The following NAV2 variants were observed in gnomAD, a reference collection of about 807,000 sequenced individuals.
The protein encoded by NAV2 is helicase, APC down-regulated 1.
In NAV2, 54 loss-of-function variants were observed where a neutral mutation model predicts 223.2. That is an observed-to-expected ratio of 0.24 (90% CI 0.19 to 0.30). The LOEUF (loss-of-function observed/expected upper bound fraction) is 0.30, where lower values mean the gene tolerates loss of function less well. Ranked by LOEUF, NAV2 falls within the 10% of genes least tolerant of loss-of-function variation. NAV2 has a pLI of 1.00. For synonymous variants in NAV2, 1,279 were observed against 1,239.3 expected (o/e 1.03, Z -0.67); for missense variants, 2,806 against 3,147.5 (o/e 0.89, Z 2.60).
chr11:19,363,259 G>T (rs1204130785), intron 1 of NAV2, among the ~76,000 whole-genome samples: 1 of 152,138 alleles, frequency 6.6e-6, no homozygotes, highest in Non-Finnish European at 1.5e-5. Flanking sequence ...GTGTTAGGTT[G>T]CTGAGAATGA....
chr11:19,967,261 T>C (rs184650215), intron 10 of NAV2, among the ~76,000 whole-genome samples: 59 of 152,190 alleles, frequency 3.9e-4, no homozygotes, highest in East Asian at 3.9e-4. Flanking sequence ...TACCTTTCCT[T>C]AGAGCTCTAC....
chr11:20,095,817 C>T lies in NAV2; in HGVS notation c.6012+50C>T, dbSNP rs202207689. Reference sequence around the variant, plus strand: ...CAGCATACTACCTAACATGGGCATCCGGGCCTGGGGAGGAAAAGAGAGGTT... The same window carrying T: ...CAGCATACTACCTAACATGGGCATCTGGGCCTGGGGAGGAAAAGAGAGGTT... On this transcript the variant is annotated intron_variant, in intron 30 of 37. Coordinates refer to ENST00000349880, the MANE Select transcript of NAV2 (RefSeq NM_145117.5). The T allele has an allele frequency of 1.8e-4, 245 of 1,374,414 alleles. No homozygotes were observed. The African/African-American group carries it at 3.0e-3, about 17-fold the overall frequency. The allele number at this position is 1,374,414 out of a possible 1,614,324, so 85.1% of individuals were successfully genotyped here.
chr11:19,682,278 G>A (rs937269921), intron 1 of NAV2, among the ~76,000 whole-genome samples: 1 of 152,238 alleles, frequency 6.6e-6, no homozygotes, highest in Non-Finnish European at 1.5e-5. Context: ...TGCTTGGTAT[G>A]TGCTAAGAAC....
chr11:19,859,724 G>T (rs1450041256), intron 3 of NAV2, among the ~76,000 whole-genome samples: 2 of 151,738 alleles, frequency 1.3e-5, no homozygotes, highest in African/African-American at 2.4e-5. Flanking sequence ...TGGCCGGGCA[G>T]AGGCGCCCCT....
At chr11:19,506,246 G>A (rs114732497) in intron 1 of NAV2, 1 of 152,354 alleles carries the variant, frequency 6.6e-6, no homozygotes, top group Non-Finnish European at 1.5e-5. Flanking sequence ...TCTGGAAGAG[G>A]TAAGAGGAGC....
chr11:19,666,170 G>T (rs778439587), intron 1 of NAV2, among the ~76,000 whole-genome samples: 2 of 152,196 alleles, frequency 1.3e-5, no homozygotes, highest in Non-Finnish European at 1.5e-5. Flanking sequence ...CGTTCTCTCT[G>T]ACGTTAAAAT....
intron 5 of NAV2, among the ~76,000 whole-genome samples, chr11:19,883,278 T>C (rs1721069085): frequency 6.6e-6 from 1 of 152,234 alleles, no homozygotes; most frequent in South Asian, 2.1e-4. Flanking sequence ...TCTGAGATTT[T>C]TTTTTGCTCC....
intron 1 of NAV2, among the ~76,000 whole-genome samples, chr11:19,584,125 G>T (rs1181438728): frequency 1.3e-5 from 2 of 152,126 alleles, no homozygotes; most frequent in Non-Finnish European, 2.9e-5. Flanking sequence ...ATGTATTGAG[G>T]AATTTATCCA....
rs541950014 is a variant in NAV2 at position 19,535,290 on chromosome 11, G to A, written c.75+184263G>A. On this transcript the variant is annotated intron_variant, in intron 1 of 37. Transcript: ENST00000360655. The stretch of plus-strand genomic sequence containing the variant: ...GCTACTGTGGGAACCTTGGTAGCAG[G>A]AGATGCACTCATACTTTGCCCTCTG... Among the ~76,000 whole-genome samples, 4 of 152,264 alleles carry A rather than the reference G, an allele frequency of 2.6e-5. 1 individual carries two copies. The highest frequency in any genetic ancestry group is 2.6e-4 in the Admixed American group (4 of 15,288).
chr11:19,361,454 G>T (rs1000898930), intron 1 of NAV2, among the ~76,000 whole-genome samples: 1 of 151,990 alleles, frequency 6.6e-6, no homozygotes, highest in African/African-American at 2.4e-5. Context: ...TTGACTTCTT[G>T]GTCTATCTAG....
intron 11 of NAV2, among the ~76,000 whole-genome samples, chr11:20,029,440 G>T (rs2055473497): frequency 6.6e-6 from 1 of 152,216 alleles, no homozygotes; most frequent in African/African-American, 2.4e-5. Flanking sequence ...GCTCCAACTT[G>T]GCTGGTGGCT....
intron 4 of NAV2, among the ~76,000 whole-genome samples, chr11:19,875,028 G>A (rs2062753138): frequency 1.3e-5 from 2 of 152,158 alleles, no homozygotes; most frequent in Admixed American, 1.3e-4. Context: ...GTGGTGGCAT[G>A]CACCTATAAT....
chr11:19,534,172 T>C (rs2044117438), intron 1 of NAV2, among the ~76,000 whole-genome samples: 1 of 152,188 alleles, frequency 6.6e-6, no homozygotes, highest in African/African-American at 2.4e-5. Flanking sequence ...TTACTGCATC[T>C]CTCTGCTTAG....
chr11:19,871,493 A>G (rs1291394069), intron 4 of NAV2, among the ~76,000 whole-genome samples: 2 of 152,132 alleles, frequency 1.3e-5, no homozygotes, highest in African/African-American at 4.8e-5. Flanking sequence ...CTCAGTATAC[A>G]TCACTGCCAC....
intron 1 of NAV2, among the ~76,000 whole-genome samples, chr11:19,433,601 T>C (rs1851109572): frequency 6.6e-6 from 1 of 152,248 alleles, no homozygotes; most frequent in African/African-American, 2.4e-5. Flanking sequence ...AACCCCCATC[T>C]GCTCAACTGA....
chr11:19,391,034 A>G (rs1044705734), intron 1 of NAV2, among the ~76,000 whole-genome samples: 1 of 152,136 alleles, frequency 6.6e-6, no homozygotes, highest in African/African-American at 2.4e-5. Flanking sequence ...GAAAAGATAA[A>G]TAATTTGCCC....
Position 19,933,111 on chromosome 11 carries a change from C to A in NAV2, c.932-65C>A, listed in dbSNP as rs539258935. On this transcript the variant is annotated intron_variant, in intron 6 of 37. Coordinates refer to ENST00000349880, the MANE Select transcript of NAV2 (RefSeq NM_145117.5). This position sits in a 1 kb window ranked among gnomAD's most constrained non-coding sequence, Gnocchi z 4.3. ...TGATTGGTTGTGTGGCCATGGCTGACCCTCCCTGGTCTTCAGTGCAGGTCA... is the reference window on the plus strand; with the variant it reads ...TGATTGGTTGTGTGGCCATGGCTGAACCTCCCTGGTCTTCAGTGCAGGTCA... The A allele has an allele frequency of 6.2e-5, 91 of 1,466,016 alleles. No individual in the cohort carries two copies. In the Middle Eastern group the frequency reaches 1.1e-3, roughly 18 times the overall value. The allele number at this position is 1,466,016 out of a possible 1,614,324, so 90.8% of individuals were successfully genotyped here.
intron 1 of NAV2, among the ~76,000 whole-genome samples, chr11:19,407,571 A>C (rs1036311190): frequency 6.6e-6 from 1 of 152,126 alleles, no homozygotes. Flanking sequence ...TGGGATTTGC[A>C]TTTTGGAGAT....
At position 19,946,282 on chromosome 11, in the gene NAV2, C is replaced by A. The variant is rs144003632; in HGVS notation, c.2147-119C>A. 4.2e-4 allele frequency: 331 copies of A among 791,466 alleles called. 2 individuals carry two copies. The East Asian group carries it at 0.01, about 24-fold the overall frequency. 49.0% of individuals were successfully genotyped at this position (791,466 alleles called of 1,614,324 possible). On this transcript the variant is annotated intron_variant, in intron 8 of 37. Transcript: ENST00000349880. ...TTCATTGTCAAATCCTTATTAAGCA[C>A]CCACAGCAAGGCACGTGCTGAGCAT... is the stretch of plus-strand genomic sequence containing the variant.
Sources: allele counts gnomAD v4.1 joint callset (sites outside exome capture counted in the v4.1 genomes callset), GRCh38; gene constraint gnomAD v4.1.1; non-coding constraint Gnocchi (gnomAD v3.1); transcripts MANE v1.5; gene names NCBI Gene and HGNC (gene_info 2026-07-23, HGNC 2026-07-21).